The following GAS2 variants were observed in gnomAD, a reference collection of about 807,000 sequenced individuals.
GAS2 encodes growth arrest-specific protein 2.
A neutral mutation model predicts 37.5 loss-of-function variants in GAS2; 20 were observed. The ratio of observed to expected loss-of-function variants is 0.53; its 90% CI spans 0.37 to 0.77. The LOEUF (loss-of-function observed/expected upper bound fraction) is 0.77. GAS2 is among the 30% of genes least tolerant of loss of function. The pLI, the probability that GAS2 is intolerant of heterozygous loss-of-function variation, is 0.00. For missense variants in GAS2, 336 were observed against 373.4 expected, an observed-to-expected ratio of 0.90 and a Z score of 0.82; for synonymous variants, 144 against 132.2, an observed-to-expected ratio of 1.09 and a Z score of -0.61.
At chr11:22,683,249 T>A (rs1442644399) in intron 2 of GAS2, among the ~76,000 whole-genome samples, 3 of 152,118 alleles carry the variant, frequency 2.0e-5, no homozygotes, top group African/African-American at 7.2e-5. Context: ...GTTCATCTGT[T>A]GTTCCAGTCG....
At chr11:22,694,865 A>C (rs1362019678) in intron 3 of GAS2, among the ~76,000 whole-genome samples, 1 of 152,208 alleles carries the variant, frequency 6.6e-6, no homozygotes, top group Non-Finnish European at 1.5e-5. Flanking sequence ...AACTTCTGCC[A>C]TAATATATTT....
At chr11:22,726,574 G>T (rs1650950358) in intron 4 of GAS2, 141 bp downstream of exon 4, 4 of 702,714 alleles carry the variant, frequency 5.7e-6, no homozygotes, top group Non-Finnish European at 7.2e-6. Context: ...TTGAAATCTT[G>T]CAGGTTTGCT....
intron 7 of GAS2, among the ~76,000 whole-genome samples, chr11:22,756,301 A>G (rs1029216777): frequency 1.3e-5 from 2 of 152,086 alleles, no homozygotes; most frequent in Non-Finnish European, 2.9e-5. Flanking sequence ...TTTTTTAAAA[A>G]AAAGAAAAGA....
intron 6 of GAS2, among the ~76,000 whole-genome samples, chr11:22,753,288 CT>C (rs1341904309): frequency 1.3e-5 from 2 of 152,042 alleles, no homozygotes; most frequent in Non-Finnish European, 2.9e-5. Context: ...ACAGTCTGGC[CT>C]TGTTTCTTCC....
Position 22,689,257 on chromosome 11 carries a change from C to T in GAS2, c.267+3468C>T, listed in dbSNP as rs748920108. 1.3e-4 allele frequency among the ~76,000 whole-genome samples: 20 copies of T among 152,080 alleles called. 1 individual carries two copies. Among genetic ancestry groups the T allele is most frequent in the Admixed American group, 4.6e-4 (7 of 15,250 alleles). ...GCAATTTACCCATGTAACAATCCTG[C>T]ACATGTCCCCTCCGAACCTAAAATA... On this transcript the variant is annotated intron_variant, in intron 3 of 7. Transcript: ENST00000454584.
intron 7 of GAS2, among the ~76,000 whole-genome samples, chr11:22,794,401 T>G (rs1856330661): frequency 6.6e-6 from 1 of 152,162 alleles, no homozygotes; most frequent in African/African-American, 2.4e-5. Flanking sequence ...AGCTTCTAAA[T>G]TATTTAATTA....
chr11:22,660,296 T>C (rs1423858225), intron 1 of GAS2, among the ~76,000 whole-genome samples: 1 of 152,146 alleles, frequency 6.6e-6, no homozygotes, highest in Non-Finnish European at 1.5e-5. Context: ...AGAGAAGGGA[T>C]GTATAAGATT....
At chr11:22,796,321 G>A (rs1235884255) in intron 7 of GAS2, among the ~76,000 whole-genome samples, 1 of 152,082 alleles carries the variant, frequency 6.6e-6, no homozygotes, top group African/African-American at 2.4e-5. Context: ...TAGTTTCCAG[G>A]CATTGTTTGG....
chr11:22,753,507 T>C (rs564942687), intron 6 of GAS2, among the ~76,000 whole-genome samples: 2 of 152,236 alleles, frequency 1.3e-5, no homozygotes, highest in East Asian at 1.9e-4. Flanking sequence ...CTTGTGATTG[T>C]CATTTTTTAG....
intron 3 of GAS2, among the ~76,000 whole-genome samples, chr11:22,688,151 T>A (rs1850058360): frequency 6.6e-6 from 1 of 152,204 alleles, no homozygotes. Flanking sequence ...GTTTTATTTA[T>A]TAATTGGACG....
chr11:22,680,725 G>C (rs996978989), intron 2 of GAS2, among the ~76,000 whole-genome samples: 1 of 151,992 alleles, frequency 6.6e-6, no homozygotes, highest in Non-Finnish European at 1.5e-5. Flanking sequence ...TTCCACCAAA[G>C]AGGTTTCTGT....
chr11:22,794,535 C>T (rs1215778404), intron 7 of GAS2, among the ~76,000 whole-genome samples: 1 of 152,138 alleles, frequency 6.6e-6, no homozygotes, highest in Non-Finnish European at 1.5e-5. Context: ...ACTCACCACA[C>T]ATATTACACT....
chr11:22,688,876 C>T (rs1466391290), intron 3 of GAS2, among the ~76,000 whole-genome samples: 3 of 152,130 alleles, frequency 2.0e-5, no homozygotes, highest in African/African-American at 4.8e-5. Flanking sequence ...ACTGCAAAGA[C>T]ATGAAATCAA....
At chr11:22,797,249 C>A (rs1856471164) in intron 7 of GAS2, among the ~76,000 whole-genome samples, 1 of 152,046 alleles carries the variant, frequency 6.6e-6, no homozygotes, top group African/African-American at 2.4e-5. Flanking sequence ...ACCAGTCCAT[C>A]ATCATATGTC....
chr11:22,800,935 A>T (rs1235885572), intron 7 of GAS2, among the ~76,000 whole-genome samples: 1 of 146,660 alleles, frequency 6.8e-6, no homozygotes, highest in African/African-American at 2.7e-5. Context: ...AAACAAGTAC[A>T]TTACCAATAA....
At chr11:22,652,252 C>G (rs991531376) in intron 1 of GAS2, among the ~76,000 whole-genome samples, 2 of 152,190 alleles carry the variant, frequency 1.3e-5, no homozygotes, top group Non-Finnish European at 2.9e-5. Flanking sequence ...GGGTCAGGGA[C>G]CCACTTGAGG....
chr11:22,709,287 T>G (rs1360783215), intron 3 of GAS2, among the ~76,000 whole-genome samples: 1 of 152,150 alleles, frequency 6.6e-6, no homozygotes, highest in African/African-American at 2.4e-5. Flanking sequence ...GTTTATTTTT[T>G]CCTGTGTATA....
chr11:22,750,332 G>A (rs1331976780), intron 6 of GAS2, among the ~76,000 whole-genome samples: 3 of 152,044 alleles, frequency 2.0e-5, no homozygotes, highest in African/African-American at 4.8e-5. Context: ...AGATTTCTCT[G>A]ACTTTTGCTT....
chr11:22,704,605 A>ATATATATATATATATT (rs1851011792), intron 3 of GAS2, among the ~76,000 whole-genome samples: 3 of 141,568 alleles, frequency 2.1e-5, no homozygotes, highest in African/African-American at 7.8e-5. Flanking sequence ...ATATATATAT[A>ATATATATATATATATT]TATATATATA....
Sources: allele counts gnomAD v4.1 joint callset (sites outside exome capture counted in the v4.1 genomes callset), GRCh38; gene constraint gnomAD v4.1.1; transcripts MANE v1.5; gene names NCBI Gene and HGNC (gene_info 2026-07-23, HGNC 2026-07-21).